The following GPAT4 variants were observed in gnomAD, a reference collection of about 807,000 sequenced individuals.
GPAT4 encodes 1-AGP acyltransferase 6.
Under a neutral mutation model 58.0 loss-of-function variants are expected in GPAT4, and 17 were observed. The ratio of observed to expected loss-of-function variants is 0.29; its 90% CI spans 0.20 to 0.44. GPAT4 has a LOEUF of 0.44. Ranked by LOEUF, GPAT4 falls within the 20% of genes least tolerant of loss-of-function variation. GPAT4 has a pLI of 1.00. For missense variants in GPAT4, 377 were observed against 574.5 expected, an observed-to-expected ratio of 0.66 and a Z score of 3.51; for synonymous variants, 204 against 210.1, an observed-to-expected ratio of 0.97 and a Z score of 0.25.
At chr8:41,605,530 A>G (rs1803235023) in intron 2 of GPAT4, among the ~76,000 whole-genome samples, 1 of 151,532 alleles carries the variant, frequency 6.6e-6, no homozygotes, top group South Asian at 2.1e-4. Flanking sequence ...GCATTGAGAA[A>G]TCATTGAAGG....
In GPAT4 at chr8:41,620,970, T is replaced by TGGG; in HGVS notation, c.1342_1344dup (p.Gly448dup). On this transcript the variant is annotated inframe_insertion, in exon 13 of 13. Coordinates refer to ENST00000396987, the MANE Select transcript of GPAT4 (RefSeq NM_178819.4). The stretch of plus-strand genomic sequence containing the variant: ...CAGAAGCTGTACAGCAAGATGATCG[T>TGGG]GGGGAACCACAAGGACAGGAGCCGC... 1 of 1,551,422 alleles carries TGGG rather than the reference T, an allele frequency of 6.4e-7. No homozygotes were observed. Among genetic ancestry groups the TGGG allele is most frequent in the East Asian group, 2.4e-5 (1 of 40,924 alleles).
chr8:41,611,078 T>C (rs1803428463), intron 5 of GPAT4, among the ~76,000 whole-genome samples: 1 of 152,172 alleles, frequency 6.6e-6, no homozygotes, highest in Admixed American at 6.5e-5. Flanking sequence ...ATACAAAAGT[T>C]AGCCAGGCAC....
chr8:41,609,481 C>G lies in GPAT4; in HGVS notation c.231C>G (p.Thr77=). ...EKNHQLYKPY[T]NGIIAKDPTS... ...ACCACCAGCTTTACAAGCCCTACAC[C>G]AACGGTAAGATGGGGGTGTGATCCT... Residue 77 remains threonine (T), a synonymous_variant, in exon 3 of 13, where the codon ACC becomes ACG. Transcript: ENST00000396987. 6.2e-7 allele frequency: 1 copy of G among 1,614,076 alleles called. No homozygotes were observed. Among genetic ancestry groups the G allele is most frequent in the Non-Finnish European group, 8.5e-7 (1 of 1,179,970 alleles).
chr8:41,582,662 GGA>G (rs747167705), intron 1 of GPAT4, among the ~76,000 whole-genome samples: 3 of 124,900 alleles, frequency 2.4e-5, no homozygotes, highest in Non-Finnish European at 3.5e-5. Flanking sequence ...ACAAGGGGAG[GGA>G]GAGAGAGAGA....
chr8:41,611,622 G>A (rs988964509), intron 5 of GPAT4, among the ~76,000 whole-genome samples: 6 of 152,198 alleles, frequency 3.9e-5, no homozygotes, highest in Admixed American at 3.9e-4. Context: ...TTGACTGGGG[G>A]AACGGAGTTC....
rs1803769015 is a variant in GPAT4, at chr8:41,622,085, G to A, written c.*1084G>A. 1 of 152,316 alleles carries A rather than the reference G, an allele frequency of 6.6e-6. No homozygotes were observed. Among genetic ancestry groups the A allele is most frequent in the Admixed American group, 6.5e-5 (1 of 15,288 alleles). The allele number at this position is 152,316 out of a possible 1,614,324, so 9.4% of individuals were successfully genotyped here. A position where few individuals can be genotyped will look rare whatever the true frequency, so the allele number is the denominator to read the frequency against. ...AGAAGGTGAACAGCTCGTCTCAGAT[G>A]CTTGCAGATCTTTGGTTAATTTAGA... On this transcript the variant is annotated 3_prime_UTR_variant, in exon 13 of 13. Transcript: ENST00000396987.
rs1262551973 is a variant in GPAT4 at position 41,623,970 on chromosome 8, TGAGATTA to T, written c.*2970_*2976del. 6.6e-6 allele frequency: 1 copy of T among 152,254 alleles called. No individual in the cohort carries two copies. The highest frequency in any genetic ancestry group is 6.5e-5 in the Admixed American group (1 of 15,282). 9.4% of individuals were successfully genotyped at this position (152,254 alleles called of 1,614,324 possible). On this transcript the variant is annotated 3_prime_UTR_variant, in exon 13 of 13. Transcript: ENST00000396987. ...TCTTCTGCCTCAGCCTCCAAGTAGC[TGAGATTA>T]CAGGCATGCACCACCACACCCAGCT...
intron 1 of GPAT4, among the ~76,000 whole-genome samples, chr8:41,584,023 A>G (rs1433055277): frequency 6.6e-6 from 1 of 152,052 alleles, no homozygotes; most frequent in Non-Finnish European, 1.5e-5. Context: ...AAGCCTCCCA[A>G]ATAGCTGGGA....
At chr8:41,618,591 C>T (rs1050678806) in intron 10 of GPAT4, 93 bp from the exon 11 acceptor site, 11 of 1,498,558 alleles carry the variant, frequency 7.3e-6, no homozygotes, top group Admixed American at 5.1e-5. Flanking sequence ...AGTACCAGCA[C>T]GGCCCAGTGG....
chr8:41,608,376 G>A (rs765235337), intron 2 of GPAT4, among the ~76,000 whole-genome samples: 6 of 152,360 alleles, frequency 3.9e-5, no homozygotes, highest in Admixed American at 6.5e-5. Flanking sequence ...CGTGGAAGCC[G>A]AAGGTTGAGG....
At chr8:41,605,554 G>C (rs1585666091) in intron 2 of GPAT4, among the ~76,000 whole-genome samples, 1 of 7,902 alleles carries the variant, frequency 1.3e-4, no homozygotes, top group South Asian at 3.5e-3. Context: ...TGTTTTGTTT[G>C]TTTGTTTGTT....
chr8:41,582,542 C>CA (rs769348872), intron 1 of GPAT4, among the ~76,000 whole-genome samples: 5 of 151,622 alleles, frequency 3.3e-5, no homozygotes, highest in Non-Finnish European at 7.4e-5. Flanking sequence ...AATTTTTGAT[C>CA]AGTGCTGTCC....
At chr8:41,594,553 T>TC (rs2150488431) in intron 1 of GPAT4, among the ~76,000 whole-genome samples, 1 of 150,442 alleles carries the variant, frequency 6.6e-6, no homozygotes, top group Non-Finnish European at 1.5e-5. Flanking sequence ...AAACTTTTTT[T>TC]TTTTTTTTTT....
intron 1 of GPAT4, among the ~76,000 whole-genome samples, chr8:41,597,377 A>G (rs1353290819): frequency 6.6e-6 from 1 of 152,216 alleles, no homozygotes; most frequent in Non-Finnish European, 1.5e-5. Flanking sequence ...AAGTTCAGGG[A>G]TTTGGAATGT....
chr8:41,610,595 C>CT (rs1359732625), intron 4 of GPAT4, 141 bp from the exon 5 acceptor site: 1 of 1,533,286 alleles, frequency 6.5e-7, no homozygotes, highest in South Asian at 1.2e-5. Context: ...GCTTACATTT[C>CT]TAGGTGAACT....
intron 1 of GPAT4, among the ~76,000 whole-genome samples, chr8:41,590,313 C>G (rs995735509): frequency 6.6e-6 from 1 of 152,224 alleles, no homozygotes; most frequent in African/African-American, 2.4e-5. Context: ...TCTCAAACTC[C>G]TGACCTCAGG....
chr8:41,624,998 A>T lies in GPAT4; in HGVS notation c.*3997A>T, dbSNP rs1399824034. ...GTAAGTCAATAAATTTTTATTAAAC[A>T]GTGTGGCTCTTTGATTTATTAAAAT... On this transcript the variant is annotated 3_prime_UTR_variant, in exon 13 of 13. Coordinates refer to ENST00000396987, the MANE Select transcript of GPAT4 (RefSeq NM_178819.4). The T allele has an allele frequency of 6.6e-6, 1 of 152,242 alleles. No individual in the cohort carries two copies. Among genetic ancestry groups the T allele is most frequent in the Non-Finnish European group, 1.5e-5 (1 of 68,046 alleles). 9.4% of individuals were successfully genotyped at this position (152,242 alleles called of 1,614,324 possible).
chr8:41,603,053 A>G (rs922798919), intron 2 of GPAT4, among the ~76,000 whole-genome samples: 4 of 152,208 alleles, frequency 2.6e-5, no homozygotes, highest in Non-Finnish European at 5.9e-5. Flanking sequence ...TTGAGGGGAC[A>G]TAAGCATTTA....
Position 41,624,679 on chromosome 8 carries a change from C to CT in GPAT4, c.*3679dup, listed in dbSNP as rs566604924. 219 of 152,384 alleles carry CT rather than the reference C, an allele frequency of 1.4e-3. No homozygotes were observed. The highest frequency in any genetic ancestry group is 4.6e-3 in the African/African-American group (192 of 41,560). The allele number at this position is 152,384 out of a possible 1,614,324, so 9.4% of individuals were successfully genotyped here. On this transcript the variant is annotated 3_prime_UTR_variant, in exon 13 of 13. Coordinates refer to ENST00000396987, the MANE Select transcript of GPAT4 (RefSeq NM_178819.4). ...TTCTACAGCACGCACACCCCACTCTCTCCCCCAGTCAATATGTCTCTCTCC... is the reference window on the plus strand; with the variant it reads ...TTCTACAGCACGCACACCCCACTCTCTTCCCCCAGTCAATATGTCTCTCTCC...
Sources: allele counts gnomAD v4.1 joint callset (sites outside exome capture counted in the v4.1 genomes callset), GRCh38; gene constraint gnomAD v4.1.1; transcripts MANE v1.5; gene names NCBI Gene and HGNC (gene_info 2026-07-23, HGNC 2026-07-21).